Variants in CSNK1G3 observed in about 807,000 individuals in gnomAD.
CSNK1G3 encodes the protein casein kinase 1 gamma 3, also known as casein kinase I isoform gamma-3.
CSNK1G3 carries 23 observed loss-of-function variants against 64.3 expected under a neutral mutation model. The observed-to-expected ratio is 0.36, with a 90% confidence interval of 0.26 to 0.51. The LOEUF is 0.51. Ranked by LOEUF, CSNK1G3 falls within the 20% of genes least tolerant of loss-of-function variation. The pLI is 0.96. For missense variants in CSNK1G3, 357 were observed against 510.5 expected (o/e 0.70, Z 2.90); for synonymous variants, 158 against 162.2 (o/e 0.97, Z 0.20).
intron 6 of CSNK1G3, among the ~76,000 whole-genome samples, 165 bp from the exon 7 acceptor site, chr5:123,587,899 ATTAT>A (rs879271920): frequency 1.5e-4 from 23 of 152,278 alleles, no homozygotes; most frequent in African/African-American, 4.3e-4. Context: ...ATGTAAAAAC[ATTAT>A]TTATATAGAT....
chr5:123,573,521 C>G (rs1249583024), exon 5 of CSNK1G3: 1 of 1,611,272 alleles, frequency 6.2e-7, no homozygotes, highest in South Asian at 1.1e-5. Flanking sequence ...TAAAACAGTT[C>G]TCATGATAGC....
chr5:123,604,496 A>G (rs1026260567), intron 10 of CSNK1G3, among the ~76,000 whole-genome samples: 4 of 152,122 alleles, frequency 2.6e-5, no homozygotes, highest in South Asian at 2.1e-4. Context: ...GAAAGGAAGT[A>G]AGTTGAAAAG....
intron 6 of CSNK1G3, among the ~76,000 whole-genome samples, chr5:123,587,068 A>G (rs2150932026): frequency 6.6e-6 from 1 of 152,308 alleles, no homozygotes. Flanking sequence ...TCCCTCTCAC[A>G]ACGCATGAGA....
intron 4 of CSNK1G3, among the ~76,000 whole-genome samples, chr5:123,564,023 A>G (rs1213317198): frequency 6.6e-6 from 1 of 152,062 alleles, no homozygotes; most frequent in South Asian, 2.1e-4. Context: ...AATATGTAAT[A>G]CTTCTAATTC....
At chr5:123,557,245 T>C (rs1326276101) in intron 3 of CSNK1G3, among the ~76,000 whole-genome samples, 1 of 152,112 alleles carries the variant, frequency 6.6e-6, no homozygotes, top group East Asian at 1.9e-4. Context: ...TTTCTCAGGG[T>C]CAAAGAGTCA....
At chr5:123,608,667 CTTTTATACAATGGTTCTCAACCTTGAT>C (rs1370485898) in intron 12 of CSNK1G3, among the ~76,000 whole-genome samples, 1 of 152,060 alleles carries the variant, frequency 6.6e-6, no homozygotes, top group Non-Finnish European at 1.5e-5. Flanking sequence ...ATACTAACAA[CTTTTATACAATGGTTCTCAACCTTGAT>C]TTCACATTAT....
At chr5:123,608,009 G>A (rs796545637) in intron 12 of CSNK1G3, among the ~76,000 whole-genome samples, 12 of 151,972 alleles carry the variant, frequency 7.9e-5, no homozygotes, top group Middle Eastern at 3.4e-3. Flanking sequence ...TGCCAAGGCT[G>A]GCCCTGAACT....
At chr5:123,569,075 G>A (rs1787545644) in intron 4 of CSNK1G3, among the ~76,000 whole-genome samples, 1 of 152,160 alleles carries the variant, frequency 6.6e-6, no homozygotes, top group Non-Finnish European at 1.5e-5. Flanking sequence ...TAGAGTTGGT[G>A]GATTTTTAGG....
intron 2 of CSNK1G3, chr5:123,552,848 G>T (rs1458709591): frequency 1.7e-5 from 4 of 238,600 alleles, no homozygotes; most frequent in Non-Finnish European, 3.3e-5. Flanking sequence ...AAGAAAGTCA[G>T]AATCTTTCCA....
At chr5:123,597,544 G>C (rs866359340) in intron 10 of CSNK1G3, among the ~76,000 whole-genome samples, 4 of 152,134 alleles carry the variant, frequency 2.6e-5, no homozygotes, top group Middle Eastern at 3.4e-3. Context: ...ATCATTCCAG[G>C]CTGTTTAGAG....
Position 123,553,097 on chromosome 5 carries a change from CT to C in CSNK1G3, c.179-5del. ...TACTGGCAGAATCTGATTTTTTTTT[CT>C]TTTTCAAGGGAAAAATTTATACACA... On this transcript the variant is annotated splice_polypyrimidine_tract_variant and intron_variant, in intron 2 of 12. Transcript: ENST00000345990. The C allele has an allele frequency of 7.4e-7, 1 of 1,344,996 alleles. No homozygotes were observed. Among genetic ancestry groups the C allele is most frequent in the Non-Finnish European group, 1.0e-6 (1 of 998,358 alleles). The allele number at this position is 1,344,996 out of a possible 1,614,324, so 83.3% of individuals were successfully genotyped here.
Position 123,515,001 on chromosome 5 carries a change from A to G in CSNK1G3, c.-248+2431A>G, listed in dbSNP as rs377422650. On this transcript the variant is annotated intron_variant, in intron 1 of 12. Transcript: ENST00000345990. ...GTTATAATAAAATAGTCAATTTTCT[A>G]TCATTGGCACTACTGAAGGAAAGCA... 7.9e-5 allele frequency among the ~76,000 whole-genome samples: 12 copies of G among 152,338 alleles called. No homozygotes were observed. The East Asian group carries it at 9.6e-4, about 12-fold the overall frequency.
intron 6 of CSNK1G3, among the ~76,000 whole-genome samples, chr5:123,587,450 T>G (rs1791536767): frequency 6.6e-6 from 1 of 152,246 alleles, no homozygotes; most frequent in Non-Finnish European, 1.5e-5. Flanking sequence ...CTTTATTCAC[T>G]TATGTGCTAA....
At chr5:123,566,853 A>AT (rs1387996453) in intron 4 of CSNK1G3, among the ~76,000 whole-genome samples, 1 of 152,084 alleles carries the variant, frequency 6.6e-6, no homozygotes. Flanking sequence ...TAAAAAAAAA[A>AT]GTGAAGGTAG....
In CSNK1G3 at chr5:123,512,178, A is replaced by C. The variant is rs74913711; in HGVS notation, c.-640A>C. 3 of 151,694 alleles carry C rather than the reference A, an allele frequency of 2.0e-5. No homozygotes were observed. The highest frequency in any genetic ancestry group is 4.2e-4 in the South Asian group (2 of 4,810). 9.4% of individuals were successfully genotyped at this position (151,694 alleles called of 1,614,324 possible). A position where few individuals can be genotyped will look rare whatever the true frequency, so the allele number is the denominator to read the frequency against. ...CGCTTTCCTTTTTAATTTTTTTTCCATGTGTTCACTTCCGGGTCCGGCGTC... is the reference window on the plus strand; with the variant it reads ...CGCTTTCCTTTTTAATTTTTTTTCCCTGTGTTCACTTCCGGGTCCGGCGTC... On this transcript the variant is annotated 5_prime_UTR_variant, in exon 1 of 13. An upstream start codon of the reference 5' UTR is lost. Transcript: ENST00000345990.
intron 5 of CSNK1G3, 131 bp downstream of exon 5, chr5:123,573,672 T>G: frequency 2.9e-6 from 2 of 684,038 alleles, no homozygotes; most frequent in Middle Eastern, 4.3e-4. Flanking sequence ...GTTTCTACTT[T>G]TCATGTTGTC....
At chr5:123,587,891 G>A (rs1474684257) in intron 6 of CSNK1G3, among the ~76,000 whole-genome samples, 177 bp from the exon 7 acceptor site, 1 of 151,982 alleles carries the variant, frequency 6.6e-6, no homozygotes, top group Non-Finnish European at 1.5e-5. Context: ...TAATCTTAAT[G>A]TAAAAACATT....
chr5:123,605,344 A>G, exon 12 of CSNK1G3: 1 of 1,609,254 alleles, frequency 6.2e-7, no homozygotes, highest in East Asian at 2.2e-5. Flanking sequence ...TATAGCTGCC[A>G]GAAAGTGTTG....
intron 12 of CSNK1G3, among the ~76,000 whole-genome samples, chr5:123,612,895 A>G (rs751875402): frequency 1.3e-5 from 2 of 152,216 alleles, no homozygotes; most frequent in Non-Finnish European, 2.9e-5. Flanking sequence ...ATATAAATAT[A>G]CTTTGCTTTT....
Sources: allele counts gnomAD v4.1 joint callset (sites outside exome capture counted in the v4.1 genomes callset), GRCh38; gene constraint gnomAD v4.1.1; transcripts MANE v1.5; gene names NCBI Gene and HGNC (gene_info 2026-07-23, HGNC 2026-07-21).